The following FRRS1L variants were observed in gnomAD, a reference collection of about 807,000 sequenced individuals.
FRRS1L encodes ferric chelate reductase 1 like.
In FRRS1L, 22 loss-of-function variants were observed where a neutral mutation model predicts 28.6. The observed-to-expected ratio is 0.77, with a 90% CI of 0.55 to 1.10. FRRS1L has a LOEUF of 1.10. FRRS1L is among the 50% of genes least tolerant of loss of function. The pLI is 0.00. For missense variants in FRRS1L, 380 were observed against 386.9 expected, an observed-to-expected ratio of 0.98 and a Z score of 0.15; for synonymous variants, 158 against 151.4, an observed-to-expected ratio of 1.04 and a Z score of -0.32.
intron 1 of FRRS1L, among the ~76,000 whole-genome samples, chr9:109,162,634 A>G (rs1403653066): frequency 2.0e-5 from 3 of 152,200 alleles, no homozygotes; most frequent in East Asian, 3.8e-4. Flanking sequence ...ACATACTAAG[A>G]GTTGCTCTAA....
At chr9:109,156,398 C>CT (rs1034595909) in intron 1 of FRRS1L, among the ~76,000 whole-genome samples, 3 of 151,810 alleles carry the variant, frequency 2.0e-5, no homozygotes, top group Non-Finnish European at 4.4e-5. Context: ...AGCTTACTTT[C>CT]TTTTTTTTGA....
intron 1 of FRRS1L, among the ~76,000 whole-genome samples, chr9:109,165,588 T>A (rs1298483740): frequency 6.6e-6 from 1 of 152,242 alleles, no homozygotes; most frequent in Non-Finnish European, 1.5e-5. Flanking sequence ...ACTTAATACA[T>A]TTCCCCAAAT....
intron 1 of FRRS1L, among the ~76,000 whole-genome samples, chr9:109,165,613 T>C (rs1831539019): frequency 6.6e-6 from 1 of 152,258 alleles, no homozygotes; most frequent in Non-Finnish European, 1.5e-5. Context: ...TCTCTCCATC[T>C]TCTTTAATAC....
chr9:109,143,410 G>T (rs1192895805), intron 3 of FRRS1L, among the ~76,000 whole-genome samples: 6 of 152,120 alleles, frequency 3.9e-5, no homozygotes, highest in Non-Finnish European at 7.4e-5. Flanking sequence ...CTCCCCAGGG[G>T]GTATATGGGA....
intron 2 of FRRS1L, chr9:109,147,963 C>A (rs1831284662): frequency 6.9e-6 from 1 of 145,830 alleles, no homozygotes; most frequent in African/African-American, 2.6e-5. Context: ...TATTTATTTA[C>A]AATTTTTTTT....
chr9:109,140,897 C>T (rs1831175680), intron 4 of FRRS1L: 1 of 169,858 alleles, frequency 5.9e-6, no homozygotes, highest in South Asian at 1.4e-4. Context: ...GCTTTGGGGT[C>T]AGACAGACTT....
At position 109,136,719 on chromosome 9, in the gene FRRS1L, C is replaced by G. The variant is rs532953578; in HGVS notation, c.*736G>C. On this transcript the variant is annotated 3_prime_UTR_variant, in exon 5 of 5. Transcript: ENST00000561981. ...TACTTTTTAATAGAGACGGGGGTTT[C>G]ACCACATTGGCCAGGCTGGTCTCGA... 6.6e-6 allele frequency: 1 copy of G among 152,170 alleles called. No individual in the cohort carries two copies. The highest frequency in any genetic ancestry group is 1.9e-4 in the East Asian group (1 of 5,190). The allele number at this position is 152,170 out of a possible 1,614,324, so 9.4% of individuals were successfully genotyped here.
In FRRS1L at chr9:109,130,352, AT is replaced by A. The variant is rs1480164879; in HGVS notation, c.*7102del. 1 of 152,256 alleles carries A rather than the reference AT, an allele frequency of 6.6e-6. No individual in the cohort carries two copies. Among genetic ancestry groups the A allele is most frequent in the Non-Finnish European group, 1.5e-5 (1 of 68,042 alleles). The allele number at this position is 152,256 out of a possible 1,614,324, so 9.4% of individuals were successfully genotyped here. A position where few individuals can be genotyped will look rare whatever the true frequency, so the allele number is the denominator to read the frequency against. On this transcript the variant is annotated 3_prime_UTR_variant, in exon 5 of 5. Transcript: ENST00000561981. ...AGGAAGAATTTCAAACTATGTTGTA[AT>A]TCTTATTTTAAAGTTTAAATCTAAT...
chr9:109,143,783 G>C (rs1831219919), intron 3 of FRRS1L, among the ~76,000 whole-genome samples: 1 of 151,972 alleles, frequency 6.6e-6, no homozygotes, highest in Non-Finnish European at 1.5e-5. Context: ...CCAAAGTTCT[G>C]GGATTGTGAG....
At chr9:109,150,721 A>G (rs1831321146) in intron 1 of FRRS1L, 1 of 152,170 alleles carries the variant, frequency 6.6e-6, no homozygotes, top group Admixed American at 6.5e-5. Context: ...GCATCAAACC[A>G]TACATTGAAG....
intron 1 of FRRS1L, among the ~76,000 whole-genome samples, chr9:109,155,674 A>G (rs1215390483): frequency 6.8e-6 from 1 of 146,530 alleles, no homozygotes; most frequent in African/African-American, 2.6e-5. Context: ...ACTGCACTCC[A>G]GCCTGGGCGA....
At chr9:109,166,302 C>T (rs919637300) in intron 1 of FRRS1L, among the ~76,000 whole-genome samples, 3 of 152,024 alleles carry the variant, frequency 2.0e-5, no homozygotes, top group Admixed American at 1.3e-4. Flanking sequence ...AATGGTGGCT[C>T]GCACTAGGGG....
intron 2 of FRRS1L, among the ~76,000 whole-genome samples, chr9:109,148,912 A>G (rs1365685058): frequency 2.0e-5 from 3 of 152,186 alleles, no homozygotes; most frequent in Non-Finnish European, 4.4e-5. Context: ...GAAAGCTCAA[A>G]GCCCCTGTAT....
chr9:109,159,860 C>T (rs908904078), intron 1 of FRRS1L, among the ~76,000 whole-genome samples: 2 of 152,132 alleles, frequency 1.3e-5, no homozygotes, highest in Non-Finnish European at 2.9e-5. Context: ...TCCAGCCTGC[C>T]GACCCAACCT....
intron 1 of FRRS1L, among the ~76,000 whole-genome samples, chr9:109,166,676 T>C (rs1831554054): frequency 1.3e-5 from 2 of 151,876 alleles, no homozygotes; most frequent in Admixed American, 6.6e-5. Context: ...TCCCCATCTG[T>C]AAAGCGGGCG....
chr9:109,143,584 G>A (rs573889486), intron 3 of FRRS1L, among the ~76,000 whole-genome samples: 145 of 147,406 alleles, frequency 9.8e-4, no homozygotes, highest in African/African-American at 3.5e-3. Context: ...GCGCGATCTC[G>A]GCTCACTGCA....
chr9:109,154,170 A>G (rs1831374858), intron 1 of FRRS1L, among the ~76,000 whole-genome samples: 1 of 152,158 alleles, frequency 6.6e-6, no homozygotes, highest in Admixed American at 6.6e-5. Context: ...CCTCATTCTC[A>G]AAGGATGGGT....
intron 1 of FRRS1L, among the ~76,000 whole-genome samples, chr9:109,164,940 T>G (rs1397149499): frequency 1.3e-5 from 2 of 152,194 alleles, no homozygotes; most frequent in Non-Finnish European, 2.9e-5. Context: ...CCACCTGATG[T>G]CCACATTCAT....
At position 109,166,145 on chromosome 9, in the gene FRRS1L, A is replaced by G. The variant is rs570804172; in HGVS notation, c.238+756T>C. 3.9e-5 allele frequency among the ~76,000 whole-genome samples: 6 copies of G among 152,332 alleles called. No individual in the cohort carries two copies. The East Asian group carries it at 1.2e-3, about 29-fold the overall frequency. On this transcript the variant is annotated intron_variant, in intron 1 of 4. Coordinates refer to ENST00000561981, the MANE Select transcript of FRRS1L (RefSeq NM_014334.4). ...TATCCCTCTTAGCAGAAGAAAAGGAAAGTCACTACTTCCCAAAGTTGCTTA... is the reference window on the plus strand; with the variant it reads ...TATCCCTCTTAGCAGAAGAAAAGGAGAGTCACTACTTCCCAAAGTTGCTTA...
Sources: allele counts gnomAD v4.1 joint callset (sites outside exome capture counted in the v4.1 genomes callset), GRCh38; gene constraint gnomAD v4.1.1; transcripts MANE v1.5; gene names NCBI Gene and HGNC (gene_info 2026-07-23, HGNC 2026-07-21).